The following PKD1L1 variants were observed in gnomAD, a reference collection of about 807,000 sequenced individuals.
The protein encoded by PKD1L1 is polycystin-1-like protein 1.
Under a neutral mutation model 323.4 loss-of-function variants are expected in PKD1L1, and 236 were observed. That is an observed-to-expected ratio of 0.73 (90% CI 0.66 to 0.81). The LOEUF (loss-of-function observed/expected upper bound fraction) is 0.81. Ranked by LOEUF, PKD1L1 falls within the 40% of genes least tolerant of loss-of-function variation. The pLI, the probability that PKD1L1 is intolerant of heterozygous loss-of-function variation, is 0.00. For missense variants in PKD1L1, 3,320 were observed against 3,508.0 expected (o/e 0.95, Z 1.35); for synonymous variants, 1,344 against 1,335.0 (o/e 1.01, Z -0.15).
At chr7:47,896,227 G>A (rs914160832) in intron 14 of PKD1L1, among the ~76,000 whole-genome samples, 3 of 151,354 alleles carry the variant, frequency 2.0e-5, no homozygotes, top group Non-Finnish European at 2.9e-5. Flanking sequence ...TACTCAGGAG[G>A]CTGAGGCAGA....
chr7:47,801,509 G>T (rs1249862586), intron 53 of PKD1L1, among the ~76,000 whole-genome samples: 1 of 152,144 alleles, frequency 6.6e-6, no homozygotes, highest in Admixed American at 6.5e-5. Context: ...ACCATCAGGC[G>T]GTCGTCCCAT....
chr7:47,795,948 G>T (rs1346513156), intron 55 of PKD1L1, 41 bp downstream of exon 55: 4 of 1,577,700 alleles, frequency 2.5e-6, no homozygotes, highest in Non-Finnish European at 3.4e-6. Flanking sequence ...CATCTTGAGT[G>T]TGTGCTATCA....
In PKD1L1 at chr7:47,890,748, G is replaced by T; in HGVS notation, c.2469C>A (p.Cys823Ter). The change falls in exon 16 of 57, where the codon TGC becomes TGA. Residue 823 changes from cysteine to a stop codon, truncating the protein, a stop_gained. Transcript: ENST00000289672. LOFTEE classifies it high-confidence loss of function. The stretch of plus-strand genomic sequence containing the variant: ...GATGTGCTGGGGAGCCAGCGGTGGC[G>T]CATTCCCAGTGATACCTGTTGGAGA... ...PGATLRYHWE[C>*]ATAGSPAHPC... 1 of 1,612,370 alleles carries T rather than the reference G, an allele frequency of 6.2e-7. No homozygotes were observed. The highest frequency in any genetic ancestry group is 2.2e-5 in the East Asian group (1 of 44,864).
At chr7:47,944,251 G>A (rs754259050) in intron 1 of PKD1L1, among the ~76,000 whole-genome samples, 5 of 152,030 alleles carry the variant, frequency 3.3e-5, no homozygotes, top group African/African-American at 1.2e-4. Flanking sequence ...TCATTTAAAA[G>A]TGTGTGGTAT....
At chr7:47,799,064 G>A (rs1475227637) in intron 54 of PKD1L1, among the ~76,000 whole-genome samples, 2 of 152,188 alleles carry the variant, frequency 1.3e-5, no homozygotes, top group African/African-American at 4.8e-5. Context: ...CCTATGGACT[G>A]TGAGCTCCCT....
At chr7:47,941,488 T>C (rs913063126) in intron 2 of PKD1L1, among the ~76,000 whole-genome samples, 1 of 152,178 alleles carries the variant, frequency 6.6e-6, no homozygotes, top group Non-Finnish European at 1.5e-5. Context: ...AAATCCAGTT[T>C]TAACATTGTG....
chr7:47,901,032 G>C (rs1787074936), intron 13 of PKD1L1, among the ~76,000 whole-genome samples: 1 of 152,030 alleles, frequency 6.6e-6, no homozygotes, highest in East Asian at 1.9e-4. Flanking sequence ...TATACTTTTA[G>C]AAAACACGTA....
At chr7:47,945,730 A>C (rs1788080361) in intron 1 of PKD1L1, among the ~76,000 whole-genome samples, 1 of 152,196 alleles carries the variant, frequency 6.6e-6, no homozygotes, top group Non-Finnish European at 1.5e-5. Flanking sequence ...CCCACAGTCC[A>C]CAGCTGTGAG....
rs762354306 is a variant in PKD1L1 at position 47,923,717 on chromosome 7, C to T, written c.1060+5487G>A. The stretch of plus-strand genomic sequence containing the variant: ...AAAATCAATGATTAGAAGCCAACGC[C>T]ATTTATGAGGAAGAACCATGAATAC... On this transcript the variant is annotated intron_variant, in intron 7 of 56. Transcript: ENST00000289672. Among the ~76,000 whole-genome samples the T allele has an allele frequency of 1.5e-4, 23 of 151,776 alleles. 1 individual carries two copies. The highest frequency in any genetic ancestry group is 2.5e-4 in the Non-Finnish European group (17 of 67,964).
intron 56 of PKD1L1, among the ~76,000 whole-genome samples, chr7:47,775,778 ACTAAAG>A (rs1786553672): frequency 6.6e-6 from 1 of 151,642 alleles, no homozygotes; most frequent in Admixed American, 6.6e-5. Context: ...ATAAATAAAT[ACTAAAG>A]ATCAAAGCAG....
rs1348315500 is a variant in PKD1L1, at chr7:47,891,668, T to A, written c.2454-905A>T. ...GCTCAGCAGGAGCACTGCCTCCAGC[T>A]CACAGGCTGTGCAGAGCAACTGCCC... On this transcript the variant is annotated intron_variant, in intron 15 of 56. Coordinates refer to ENST00000289672, the MANE Select transcript of PKD1L1 (RefSeq NM_138295.5). Among the ~76,000 whole-genome samples the A allele has an allele frequency of 2.0e-5, 3 of 152,340 alleles. No individual in the cohort carries two copies. The East Asian group carries it at 5.8e-4, about 29-fold the overall frequency.
At chr7:47,904,694 C>T in intron 11 of PKD1L1, 77 bp from the exon 12 acceptor site, 1 of 1,401,984 alleles carries the variant, frequency 7.1e-7, no homozygotes, top group Admixed American at 2.2e-5. Context: ...AAACCGTCTG[C>T]TATACTTTAA....
Position 47,866,457 on chromosome 7 carries a change from A to C in PKD1L1, c.4054T>G (p.Leu1352Val), listed in dbSNP as rs1786171099. The C allele has an allele frequency of 1.9e-6, 3 of 1,613,690 alleles. No individual in the cohort carries two copies. The highest frequency in any genetic ancestry group is 2.5e-6 in the Non-Finnish European group (3 of 1,179,860). Residue 1352 changes from leucine to valine, a missense_variant, in exon 25 of 57, where the codon TTA (leucine) becomes GTA (valine). Leu to Val is a conservative substitution (Grantham distance 32). Coordinates refer to ENST00000289672, the MANE Select transcript of PKD1L1 (RefSeq NM_138295.5). The stretch of plus-strand genomic sequence containing the variant: ...GCCAATCTGCATACTGAAGAAATTA[A>C]TGCATCCTGTATTCGTGACCATTGG... The part of the protein sequence containing the change: ...CNQWSRIQDA[L>V]ISSVCRLAFV...
At chr7:47,786,589 T>C (rs1159605299) in intron 56 of PKD1L1, among the ~76,000 whole-genome samples, 2 of 152,244 alleles carry the variant, frequency 1.3e-5, no homozygotes, top group Non-Finnish European at 2.9e-5. Context: ...CTCTGTGCCC[T>C]GAGGTCAGGC....
intron 45 of PKD1L1, among the ~76,000 whole-genome samples, chr7:47,826,192 T>C (rs981278343): frequency 3.9e-5 from 6 of 152,200 alleles, no homozygotes; most frequent in Non-Finnish European, 7.3e-5. Context: ...CCCGCCACCA[T>C]GTTCCGTAGC....
At chr7:47,787,931 G>C (rs968275583) in intron 56 of PKD1L1, among the ~76,000 whole-genome samples, 1 of 152,026 alleles carries the variant, frequency 6.6e-6, no homozygotes, top group Non-Finnish European at 1.5e-5. Flanking sequence ...GACTGGTCGC[G>C]AACTCCTGGG....
At chr7:47,787,656 G>A (rs184047556) in intron 56 of PKD1L1, among the ~76,000 whole-genome samples, 357 of 152,254 alleles carry the variant, frequency 2.3e-3, no homozygotes, top group Admixed American at 0.011. Flanking sequence ...AACAAATTAA[G>A]CGGGTTTAAA....
chr7:47,932,019 A>T lies in PKD1L1; in HGVS notation c.436T>A (p.Trp146Arg), dbSNP rs754151434. ...HKPFIIIARA[W>R]SSGGPRFHHR... ...TGGAACCTGGGGCCACCACTGCTCC[A>T]GGCCCTTGCGATTATAATGAAAGGT... The change falls in exon 5 of 57, where the codon TGG (tryptophan) becomes AGG (arginine). Residue 146 changes from tryptophan (W) to arginine (R), a missense_variant. Coordinates refer to ENST00000289672, the MANE Select transcript of PKD1L1 (RefSeq NM_138295.5). 2 of 1,613,740 alleles carry T rather than the reference A, an allele frequency of 1.2e-6. No homozygotes were observed. Among genetic ancestry groups the T allele is most frequent in the Admixed American group, 3.3e-5 (2 of 59,982 alleles).
Position 47,854,931 on chromosome 7 carries a change from C to T in PKD1L1, c.4810G>A (p.Glu1604Lys). The T allele has an allele frequency of 6.2e-7, 1 of 1,614,090 alleles. No homozygotes were observed. The highest frequency in any genetic ancestry group is 8.5e-7 in the Non-Finnish European group (1 of 1,180,028). ...NPQESLQIEI[E>K]FSKPVTRAFP... ...GCCCTTGTAACAGGTTTGGAAAATT[C>T]AATTTCTATCTGTAGAGATTCCTGG... Residue 1604 changes from glutamate to lysine, a missense_variant, in exon 30 of 57, where the codon GAA becomes AAA. Transcript: ENST00000289672.
Sources: gnomAD v4.1 joint callset for allele counts (sites outside exome capture counted in the v4.1 genomes callset) on GRCh38, gnomAD v4.1.1 for gene constraint, MANE v1.5 for transcripts, NCBI Gene and HGNC (gene_info 2026-07-23, HGNC 2026-07-21) for gene names.